RYR1: variants seen among roughly 807,000 people sequenced by gnomAD.
The protein encoded by RYR1 is ryanodine receptor 1.
A neutral mutation model predicts 583.5 loss-of-function variants in RYR1; 342 were observed. The ratio of observed to expected loss-of-function variants is 0.59; its 90% CI spans 0.54 to 0.64. RYR1 has a LOEUF of 0.64. Ranked by LOEUF, RYR1 falls within the 30% of genes least tolerant of loss-of-function variation. The pLI, the probability that RYR1 is intolerant of heterozygous loss-of-function variation, is 0.00. For missense variants in RYR1, 6,032 were observed against 6,917.2 expected (o/e 0.87, Z 4.54); for synonymous variants, 2,791 against 2,822.5 (o/e 0.99, Z 0.35).
rs1336472022 is a variant in RYR1 at position 38,567,854 on chromosome 19, AAAG to A, written c.13600_13602del (p.Lys4534del). ...AGCAAGCACCTCCCTCACCCCCTCC[AAAG>A]AAGGAGGAAGCTGGAGGCGAATTCT... On this transcript the variant is annotated inframe_deletion, in exon 93 of 106. Transcript: ENST00000359596. 4 of 1,613,896 alleles carry A rather than the reference AAAG, an allele frequency of 2.5e-6. No individual in the cohort carries two copies. The highest frequency in any genetic ancestry group is 4.5e-5 in the East Asian group (2 of 44,870).
Position 38,543,980 on chromosome 19 carries a change from C to T in RYR1, c.12012+105C>T, listed in dbSNP as rs1972317537. 1 of 1,138,630 alleles carries T rather than the reference C, an allele frequency of 8.8e-7. No homozygotes were observed. Among genetic ancestry groups the T allele is most frequent in the Non-Finnish European group, 1.3e-6 (1 of 781,694 alleles). The allele number at this position is 1,138,630 out of a possible 1,614,324, so 70.5% of individuals were successfully genotyped here. A position where few individuals can be genotyped will look rare whatever the true frequency, so the allele number is the denominator to read the frequency against. On this transcript the variant is annotated intron_variant, in intron 87 of 105. Transcript: ENST00000359596. The surrounding 1 kb of genome is among the most constrained non-coding windows in gnomAD (Gnocchi z 4.4). Reference sequence around the variant, plus strand: ...CAGTTTGTCACCCGAGTGCTCCCGGCATGTTCCAGACTGGTTCCCTCTCAG... The same window carrying T: ...CAGTTTGTCACCCGAGTGCTCCCGGTATGTTCCAGACTGGTTCCCTCTCAG...
rs1183053556 is a variant in RYR1, at chr19:38,500,544, G to A, written c.7324-62G>A. The A allele has an allele frequency of 6.2e-7, 1 of 1,607,214 alleles. No individual in the cohort carries two copies. Among genetic ancestry groups the A allele is most frequent in the African/African-American group, 1.3e-5 (1 of 74,756 alleles). On this transcript the variant is annotated intron_variant, in intron 45 of 105. Transcript: ENST00000359596. The surrounding 1 kb of genome is among the most constrained non-coding windows in gnomAD (Gnocchi z 5.9). Reference sequence around the variant, plus strand: ...CCTGTGTGGTAAGGGAGGGAGCAGAGCAGTCACTGAGTGGGGCACCAGCGC... The same window carrying A: ...CCTGTGTGGTAAGGGAGGGAGCAGAACAGTCACTGAGTGGGGCACCAGCGC...
chr19:38,477,891 TGGG>T, intron 30 of RYR1, 21 bp downstream of exon 30: 5 of 528,604 alleles, frequency 9.5e-6, no homozygotes, highest in Non-Finnish European at 1.2e-5. Context: ...TGGGGGGAGG[TGGG>T]AGGTGCAGGG....
Position 38,564,959 on chromosome 19 carries a change from GTGAAGGAGTC to G in RYR1, c.12626_12635del (p.Val4209AlafsTer10). The G allele has an allele frequency of 1.3e-6, 2 of 1,580,384 alleles. No homozygotes were observed. The highest frequency in any genetic ancestry group is 1.7e-6 in the Non-Finnish European group (2 of 1,164,314). ...TCCTGTCTGCCGCCCCTCGCTTCAG[GTGAAGGAGTC>G]CAAGCGCCAGTTCATCTTCGACGTG... On this transcript the variant is annotated frameshift_variant and splice_region_variant, in exon 91 of 106. Coordinates refer to ENST00000359596, the MANE Select transcript of RYR1 (RefSeq NM_000540.3). LOFTEE classifies it high-confidence loss of function.
chr19:38,532,782 GA>G (rs1350529655), intron 78 of RYR1, 46 bp downstream of exon 78: 2 of 1,579,560 alleles, frequency 1.3e-6, no homozygotes, highest in South Asian at 2.2e-5. Flanking sequence ...GGGGGACCCT[GA>G]CTGCAGTCAT....
Position 38,543,756 on chromosome 19 carries a change from C to T in RYR1, c.11908-15C>T, listed in dbSNP as rs1416240844. ...GGGGATTCCCTTCCCCCCCACACGG[C>T]ACTCTGCCTCCCAGGGTCCCTGCAC... On this transcript the variant is annotated splice_polypyrimidine_tract_variant and intron_variant, in intron 86 of 105. Transcript: ENST00000359596. This position sits in a 1 kb window ranked among gnomAD's most constrained non-coding sequence, Gnocchi z 4.4. 5.0e-6 allele frequency: 8 copies of T among 1,612,116 alleles called. No homozygotes were observed. Among genetic ancestry groups the T allele is most frequent in the Non-Finnish European group, 6.8e-6 (8 of 1,179,948 alleles).
Position 38,440,810 on chromosome 19 carries a change from C to A in RYR1, c.111C>A (p.Ala37=), listed in dbSNP as rs142909076. 2.5e-6 allele frequency: 4 copies of A among 1,609,064 alleles called. No homozygotes were observed. Among genetic ancestry groups the A allele is most frequent in the African/African-American group, 2.7e-5 (2 of 74,868 alleles). ...VLKEQLKLCL[A]AEGFGNRLCF... ...AGGAGCAGCTCAAGCTCTGCCTGGC[C>A]GCCGAGGGCTTCGGCAACCGCCTGT... Residue 37 remains alanine (A), a synonymous_variant, in exon 2 of 106, where the codon GCC becomes GCA. Transcript: ENST00000359596.
At chr19:38,455,187 G>T in intron 13 of RYR1, 48 bp from the exon 14 acceptor site, 1 of 1,606,148 alleles carries the variant, frequency 6.2e-7, no homozygotes, top group South Asian at 1.1e-5. Context: ...ACAAGGAAGG[G>T]AGGGCCTGGG....
In RYR1 at chr19:38,483,034, C is replaced by G; in HGVS notation, c.4628C>G (p.Pro1543Arg). The change falls in exon 32 of 106, where the codon CCC becomes CGC. Residue 1543 changes from proline to arginine, a missense_variant. Coordinates refer to ENST00000359596, the MANE Select transcript of RYR1 (RefSeq NM_000540.3). This position sits in a 1 kb window ranked among gnomAD's most constrained non-coding sequence, Gnocchi z 6.3. ...CCTCTTCTCCTCTGCCAGGTGGAAC[C>G]CAACACTAAGCTATTTCCTGCCGTC... ...KESNTFFQVE[P>R]NTKLFPAVFV... The G allele has an allele frequency of 6.2e-7, 1 of 1,614,102 alleles. No homozygotes were observed. Among genetic ancestry groups the G allele is most frequent in the Non-Finnish European group, 8.5e-7 (1 of 1,179,974 alleles).
intron 27 of RYR1, 109 bp from the exon 28 acceptor site, chr19:38,473,268 T>C (rs1343019888): frequency 4.4e-6 from 6 of 1,363,728 alleles, no homozygotes; most frequent in South Asian, 2.3e-5. Context: ...CTAATTCCCA[T>C]GCAGGTGCAC....
chr19:38,496,689 A>C lies in RYR1; in HGVS notation c.6796+148A>C, dbSNP rs180865986. 9 of 1,201,958 alleles carry C rather than the reference A, an allele frequency of 7.5e-6. No individual in the cohort carries two copies. The East Asian group carries it at 2.0e-4, about 26-fold the overall frequency. The allele number at this position is 1,201,958 out of a possible 1,614,324, so 74.5% of individuals were successfully genotyped here. A position where few individuals can be genotyped will look rare whatever the true frequency, so the allele number is the denominator to read the frequency against. ...CCCTGTAATGAGTAATGCTGGGGAC[A>C]CAATAGTGACCCCAATAGTGACAGC... is the stretch of plus-strand genomic sequence containing the variant. On this transcript the variant is annotated intron_variant, in intron 41 of 105. Transcript: ENST00000359596. This position sits in a 1 kb window ranked among gnomAD's most constrained non-coding sequence, Gnocchi z 4.8.
chr19:38,491,461 A>G (rs778828442), intron 37 of RYR1, among the ~76,000 whole-genome samples: 5 of 138,994 alleles, frequency 3.6e-5, no homozygotes, highest in Middle Eastern at 3.5e-3. Context: ...AGACGGTCTC[A>G]CTCTGTCACC....
chr19:38,487,743 T>G (rs1200157191), intron 34 of RYR1, among the ~76,000 whole-genome samples: 1 of 152,170 alleles, frequency 6.6e-6, no homozygotes, highest in Non-Finnish European at 1.5e-5. Context: ...CAGCAATCCT[T>G]CTGCCTCAGC....
intron 96 of RYR1, among the ~76,000 whole-genome samples, chr19:38,574,424 C>T (rs1288547976): frequency 6.6e-6 from 1 of 151,096 alleles, no homozygotes; most frequent in African/African-American, 2.4e-5. Context: ...TCAAGACCAG[C>T]CTGGACAACA....
chr19:38,569,218 G>A (rs896092462), intron 93 of RYR1, among the ~76,000 whole-genome samples: 3 of 152,148 alleles, frequency 2.0e-5, no homozygotes, highest in East Asian at 1.9e-4. Context: ...CACCGTGTTA[G>A]CCAGAATGGC....
chr19:38,522,336 T>C (rs941934074), intron 67 of RYR1, among the ~76,000 whole-genome samples: 1 of 152,176 alleles, frequency 6.6e-6, no homozygotes, highest in Non-Finnish European at 1.5e-5. Flanking sequence ...GGAAGGTGGC[T>C]CACACCTGTA....
intron 78 of RYR1, among the ~76,000 whole-genome samples, chr19:38,533,315 A>G (rs1473060955): frequency 2.0e-5 from 3 of 152,208 alleles, no homozygotes; most frequent in Non-Finnish European, 4.4e-5. Flanking sequence ...CATTTACTTC[A>G]TAGTTTTCTT....
chr19:38,535,530 A>G (rs1971928327), intron 81 of RYR1, 138 bp downstream of exon 81: 2 of 741,828 alleles, frequency 2.7e-6, no homozygotes, highest in Non-Finnish European at 4.9e-6. Context: ...AATAACAGGG[A>G]ATTTATTATA....
chr19:38,436,234 T>C (rs886447213), intron 1 of RYR1, among the ~76,000 whole-genome samples: 1 of 150,230 alleles, frequency 6.7e-6, no homozygotes, highest in Non-Finnish European at 1.5e-5. Flanking sequence ...TGAGACAGAG[T>C]CTCAATCTGT....
Sources: gnomAD v4.1 joint callset for allele counts (sites outside exome capture counted in the v4.1 genomes callset) on GRCh38, gnomAD v4.1.1 for gene constraint, Gnocchi (gnomAD v3.1) non-coding constraint, MANE v1.5 for transcripts, NCBI Gene and HGNC (gene_info 2026-07-23, HGNC 2026-07-21) for gene names.